AGRN: variants seen among roughly 807,000 people sequenced by gnomAD.
AGRN encodes agrin proteoglycan.
AGRN carries 106 observed loss-of-function variants against 211.0 expected under a neutral mutation model. The observed-to-expected ratio is 0.50, with a 90% CI of 0.43 to 0.59. The LOEUF (loss-of-function observed/expected upper bound fraction) is 0.59. Among genes scored for constraint, AGRN ranks in the 20% least tolerant of loss-of-function variants. AGRN has a pLI of 0.00. For missense variants in AGRN, 3,040 were observed against 2,982.6 expected (o/e 1.02, Z -0.45); for synonymous variants, 1,525 against 1,332.5 (o/e 1.14, Z -3.15).
chr1:1,044,123 G>A lies in AGRN; in HGVS notation c.2014G>A (p.Gly672Arg), dbSNP rs769467600. The A allele has an allele frequency of 1.7e-5, 27 of 1,613,136 alleles. No homozygotes were observed. Among genetic ancestry groups the A allele is most frequent in the African/African-American group, 5.3e-5 (4 of 74,914 alleles). The change falls in exon 11 of 36, where the codon GGA becomes AGA. Residue 672 changes from glycine to arginine, a missense_variant. By Grantham distance (125) the Gly-to-Arg change is moderately radical. This residue lies in a region of AGRN where 1,498 missense variants were observed against 1,457.8 expected (regional missense o/e 1.03). Coordinates refer to ENST00000379370, the MANE Select transcript of AGRN (RefSeq NM_198576.4). ...GPCEQAECGS[G>R]GSGSGEDGDC... is the part of the protein sequence containing the mutation. ...CTTCCCCGCAGCCGAGTGCGGTTCC[G>A]GAGGCTCTGGCTCTGGGGAGGACGG... is the stretch of plus-strand genomic sequence containing the variant.
Position 1,042,085 on chromosome 1 carries a change from A to G in AGRN, c.1307A>G (p.Tyr436Cys). The change falls in exon 7 of 36, where the codon TAT becomes TGT. Residue 436 changes from tyrosine to cysteine, a missense_variant. Tyr to Cys is a radical substitution (Grantham distance 194). This residue lies in a region of AGRN where 1,498 missense variants were observed against 1,457.8 expected (regional missense o/e 1.03). Coordinates refer to ENST00000379370, the MANE Select transcript of AGRN (RefSeq NM_198576.4). ...GTGTGTGCCCAGGACGGGCGCACGT[A>G]TGACAGTGATTGCTGGCGGCAGCAG... Reference protein sequence around the residue: ...RPVCAQDGRTYDSDCWRQQAE... With the variant: ...RPVCAQDGRTCDSDCWRQQAE... 6.2e-7 allele frequency: 1 copy of G among 1,605,052 alleles called. No homozygotes were observed. The highest frequency in any genetic ancestry group is 1.1e-5 in the South Asian group (1 of 91,024).
chr1:1,036,709 C>G (rs1049759147), intron 3 of AGRN, among the ~76,000 whole-genome samples: 1 of 152,106 alleles, frequency 6.6e-6, no homozygotes, highest in Admixed American at 6.5e-5. Context: ...CCCTCCAACA[C>G]CCGCCCCCCA....
At chr1:1,052,141 G>A (rs1645313971) in intron 33 of AGRN, 10 of 1,204,150 alleles carry the variant, frequency 8.3e-6, no homozygotes, top group African/African-American at 1.5e-5. Context: ...GGGGTCCGGC[G>A]CTATTTGGCT....
rs753435616 is a variant in AGRN, at chr1:1,041,194, A to C, written c.749A>C (p.Asn250Thr). ...GPCGSRDPCS[N>T]VTCSFGSTCA... ...GCAGGCTCGCGGGACCCCTGCTCCA[A>C]CGTGACCTGCAGCTTCGGCAGCACC... Residue 250 changes from asparagine (N) to threonine (T), a missense_variant, in exon 5 of 36, where the codon AAC becomes ACC. This residue lies in a region of AGRN where 1,498 missense variants were observed against 1,457.8 expected (regional missense o/e 1.03). Transcript: ENST00000379370. The C allele has an allele frequency of 6.1e-5, 89 of 1,460,198 alleles. 1 individual carries two copies. In the East Asian group the frequency reaches 2.6e-3, roughly 43 times the overall value. 90.5% of individuals were successfully genotyped at this position (1,460,198 alleles called of 1,614,324 possible). A position where few individuals can be genotyped will look rare whatever the true frequency, so the allele number is the denominator to read the frequency against.
At position 1,043,896 on chromosome 1, in the gene AGRN, G is replaced by C. The variant is rs757152923; in HGVS notation, c.1872G>C (p.Glu624Asp). Residue 624 changes from glutamate to aspartate, a missense_variant, in exon 10 of 36, where the codon GAG becomes GAC. This residue lies in a region of AGRN where 1,498 missense variants were observed against 1,457.8 expected (regional missense o/e 1.03). Transcript: ENST00000379370. ...SAGQCVCPRC[E>D]HPPPGPVCGS... ...GGCAGTGTGTGTGTCCCCGGTGTGA[G>C]CACCCCCCGCCCGGCCCCGTGTGTG... 3.7e-6 allele frequency: 6 copies of C among 1,610,156 alleles called. No individual in the cohort carries two copies. In the South Asian group the frequency reaches 6.6e-5, roughly 18 times the overall value.
chr1:1,025,985 G>C (rs367553588), intron 2 of AGRN, among the ~76,000 whole-genome samples: 6 of 149,992 alleles, frequency 4.0e-5, no homozygotes, highest in African/African-American at 9.9e-5. Context: ...GCCTTGGCCT[G>C]GGGGGGGGCT....
chr1:1,049,198 GC>G (rs1645198740), intron 24 of AGRN, 37 bp from the exon 25 acceptor site: 1 of 1,502,766 alleles, frequency 6.7e-7, no homozygotes, highest in Non-Finnish European at 8.9e-7. Flanking sequence ...TGGGGACGGG[GC>G]CGGGCGATGG....
chr1:1,047,701 C>A lies in AGRN; in HGVS notation c.3631+14C>A. On this transcript the variant is annotated intron_variant, in intron 21 of 35. Coordinates refer to ENST00000379370, the MANE Select transcript of AGRN (RefSeq NM_198576.4). ...ACTTTGACCCCAGTGAGACCTGCAC[C>A]CTGGACCCTTCCTGGGAGGCAATGG... 1 of 1,612,956 alleles carries A rather than the reference C, an allele frequency of 6.2e-7. No homozygotes were observed. Among genetic ancestry groups the A allele is most frequent in the Non-Finnish European group, 8.5e-7 (1 of 1,179,986 alleles).
chr1:1,022,542 G>A (rs949294972), intron 2 of AGRN, 80 bp downstream of exon 2: 12 of 1,494,380 alleles, frequency 8.0e-6, no homozygotes, highest in Non-Finnish European at 1.1e-5. Context: ...GGGTCGCTGT[G>A]CGGGGTCCTT....
intron 3 of AGRN, among the ~76,000 whole-genome samples, chr1:1,039,402 C>T (rs1438079280): frequency 1.9e-5 from 1 of 51,314 alleles, no homozygotes; most frequent in African/African-American, 4.9e-5. Context: ...CACCCACCCT[C>T]CTTGGAGATG....
intron 33 of AGRN, 187 bp downstream of exon 33, chr1:1,052,002 C>G (rs1468593959): frequency 6.5e-7 from 1 of 1,539,634 alleles, no homozygotes. Context: ...GCGAACTGGC[C>G]AATGAGATCC....
At position 1,041,707 on chromosome 1, in the gene AGRN, G is replaced by A; in HGVS notation, c.1177+5G>A. ...CCGGCCAGTGCCAGGGTCGAGGTGA[G>A]CGGCTCCCCCGGGGGAGGGCTCCGG... On this transcript the variant is annotated splice_donor_5th_base_variant and intron_variant, in intron 6 of 35. Coordinates refer to ENST00000379370, the MANE Select transcript of AGRN (RefSeq NM_198576.4). 6.2e-7 allele frequency: 1 copy of A among 1,605,490 alleles called. No individual in the cohort carries two copies. Among genetic ancestry groups the A allele is most frequent in the Non-Finnish European group, 8.5e-7 (1 of 1,177,566 alleles).
chr1:1,025,691 C>G (rs890800773), intron 2 of AGRN, among the ~76,000 whole-genome samples: 4 of 152,106 alleles, frequency 2.6e-5, no homozygotes, highest in African/African-American at 9.7e-5. Flanking sequence ...GGCTGCTGCC[C>G]CAATCTCCCT....
Position 1,046,525 on chromosome 1 carries a change from A to G in AGRN, c.3040A>G (p.Ser1014Gly). ...CCTGGCTCCCAGCAGTACCGCACAC[A>G]GCCAGACCACCCCTCCGCCCTCATC... is the stretch of plus-strand genomic sequence containing the variant. ...LPLAPSSTAH[S>G]QTTPPPSSRP... The change falls in exon 18 of 36, where the codon AGC becomes GGC. Residue 1014 changes from serine to glycine, a missense_variant. Transcript: ENST00000379370. 1 of 1,608,208 alleles carries G rather than the reference A, an allele frequency of 6.2e-7. No individual in the cohort carries two copies. The highest frequency in any genetic ancestry group is 8.5e-7 in the Non-Finnish European group (1 of 1,177,824).
chr1:1,035,170 G>GGGGGT, intron 2 of AGRN, 107 bp from the exon 3 acceptor site: 1 of 11,618 alleles, frequency 8.6e-5, no homozygotes, highest in Non-Finnish European at 3.1e-4. Context: ...GGCTAGCGGT[G>GGGGGT]GGGGGGGGGG....
chr1:1,034,858 G>C (rs904027041), intron 2 of AGRN: 5 of 394,308 alleles, frequency 1.3e-5, no homozygotes, highest in African/African-American at 1.0e-4. Flanking sequence ...CCTGGAGGCC[G>C]TCCTTGGGCT....
At chr1:1,022,180 C>T in intron 1 of AGRN, 21 bp from the exon 2 acceptor site, 1 of 1,612,868 alleles carries the variant, frequency 6.2e-7, no homozygotes, top group Non-Finnish European at 8.5e-7. Context: ...CTAATGACAC[C>T]TACCGCCATG....
In AGRN at chr1:1,049,314, G is replaced by C; in HGVS notation, c.4377G>C (p.Leu1459=). Residue 1459 remains leucine, a synonymous_variant, in exon 25 of 36, where the codon CTG becomes CTC. Transcript: ENST00000379370. ...CGGGCCAGTGGCACCGCCTGGAGCTGTCCCGGCACTGGCGCCGGGGCACCC... is the reference window on the plus strand; with the variant it reads ...CGGGCCAGTGGCACCGCCTGGAGCTCTCCCGGCACTGGCGCCGGGGCACCC... ...VEPGQWHRLE[L]SRHWRRGTLS... 1.3e-6 allele frequency: 2 copies of C among 1,597,890 alleles called. No individual in the cohort carries two copies. The highest frequency in any genetic ancestry group is 1.7e-6 in the Non-Finnish European group (2 of 1,179,230).
Position 1,051,105 on chromosome 1 carries a change from C to G in AGRN, c.5254-148C>G, listed in dbSNP as rs1570247684. 5 of 1,544,864 alleles carry G rather than the reference C, an allele frequency of 3.2e-6. No individual in the cohort carries two copies. The East Asian group carries it at 7.3e-5, about 23-fold the overall frequency. On this transcript the variant is annotated intron_variant, in intron 30 of 35. Transcript: ENST00000379370. ...GCCTCAACCCCTAGGGTAGCTCCTC[C>G]CCCACTAAGGACCCTGCCATTTCTG...
Sources: gnomAD v4.1 joint callset for allele counts (sites outside exome capture counted in the v4.1 genomes callset) on GRCh38, gnomAD v4.1.1 for gene constraint, gnomAD v4.1.1 regional missense constraint, MANE v1.5 for transcripts, NCBI Gene and HGNC (gene_info 2026-07-23, HGNC 2026-07-21) for gene names.